Variants in RTN1 observed in about 807,000 individuals in gnomAD.
RTN1 encodes reticulon 1, also known as reticulon-1.
A neutral mutation model predicts 65.5 loss-of-function variants in RTN1; 25 were observed. The observed-to-expected ratio is 0.38, with a 90% CI of 0.28 to 0.53. The LOEUF is 0.53. RTN1 is among the 20% of genes least tolerant of loss of function. The pLI is 0.79. For missense variants in RTN1, 983 were observed against 1,025.4 expected (o/e 0.96, Z 0.57); for synonymous variants, 471 against 447.6 (o/e 1.05, Z -0.66).
chr14:59,730,602 A>G (rs146116579), intron 2 of RTN1, among the ~76,000 whole-genome samples: 7 of 152,332 alleles, frequency 4.6e-5, no homozygotes, highest in Non-Finnish European at 5.9e-5. Flanking sequence ...TGCAAATCAT[A>G]TATCTGATAA....
At chr14:59,655,708 A>G (rs906538267) in intron 3 of RTN1, among the ~76,000 whole-genome samples, 1 of 152,176 alleles carries the variant, frequency 6.6e-6, no homozygotes, top group African/African-American at 2.4e-5. Flanking sequence ...GGGTGCCAAG[A>G]CCATTCAGTG....
chr14:59,860,423 G>C (rs1235382096), intron 1 of RTN1, among the ~76,000 whole-genome samples: 1 of 152,242 alleles, frequency 6.6e-6, no homozygotes, highest in Non-Finnish European at 1.5e-5. Context: ...TGGATGTCCA[G>C]GCAGAAGTTT....
At chr14:59,806,054 G>T (rs1193370183) in intron 1 of RTN1, among the ~76,000 whole-genome samples, 1 of 151,944 alleles carries the variant, frequency 6.6e-6, no homozygotes, top group Admixed American at 6.6e-5. Context: ...TGGCCAACAT[G>T]GTGAAACCCT....
At chr14:59,639,991 T>G (rs916770221) in intron 3 of RTN1, among the ~76,000 whole-genome samples, 3 of 152,332 alleles carry the variant, frequency 2.0e-5, no homozygotes. Context: ...TCAATTTTCT[T>G]TTCTTGCAAT....
chr14:59,798,678 G>T (rs919384013), intron 1 of RTN1, among the ~76,000 whole-genome samples: 2 of 152,034 alleles, frequency 1.3e-5, no homozygotes, highest in African/African-American at 4.8e-5. Flanking sequence ...ATTACATTGG[G>T]CCCGCCTGGA....
chr14:59,642,106 C>T, intron 3 of RTN1, among the ~76,000 whole-genome samples: 1 of 152,092 alleles, frequency 6.6e-6, no homozygotes. Context: ...ATGATAGTTT[C>T]ATTGGGCAGA....
intron 3 of RTN1, among the ~76,000 whole-genome samples, chr14:59,686,145 C>G (rs1170920682): frequency 1.3e-5 from 2 of 152,166 alleles, no homozygotes; most frequent in East Asian, 3.8e-4. Flanking sequence ...ATTGTTATCT[C>G]TCACCATATA....
chr14:59,619,642 T>C (rs1342711487), intron 3 of RTN1, among the ~76,000 whole-genome samples: 1 of 151,840 alleles, frequency 6.6e-6, no homozygotes, highest in Non-Finnish European at 1.5e-5. Flanking sequence ...CAATGGAGGG[T>C]AGGCTAAGGG....
chr14:59,738,663 A>C (rs1234731750), intron 2 of RTN1, among the ~76,000 whole-genome samples: 1 of 152,240 alleles, frequency 6.6e-6, no homozygotes, highest in Non-Finnish European at 1.5e-5. Flanking sequence ...ATATACCCAA[A>C]GGAATAGGAA....
At chr14:59,743,906 T>TA (rs1472004517) in intron 2 of RTN1, among the ~76,000 whole-genome samples, 1 of 152,214 alleles carries the variant, frequency 6.6e-6, no homozygotes, top group Admixed American at 6.5e-5. Context: ...GTTTGTTTTT[T>TA]ATTTTTCGTT....
At chr14:59,632,602 T>C (rs1378343347) in intron 3 of RTN1, among the ~76,000 whole-genome samples, 1 of 152,046 alleles carries the variant, frequency 6.6e-6, no homozygotes, top group Non-Finnish European at 1.5e-5. Context: ...GTCCAGAAGG[T>C]GCCAGCAGGT....
At chr14:59,604,765 C>T (rs1881690034) in intron 5 of RTN1, 1 of 152,260 alleles carries the variant, frequency 6.6e-6, no homozygotes, top group Admixed American at 6.5e-5. Context: ...CATGCCGAAT[C>T]ACGATTGACT....
At chr14:59,631,727 T>C (rs1203782568) in intron 3 of RTN1, among the ~76,000 whole-genome samples, 1 of 152,160 alleles carries the variant, frequency 6.6e-6, no homozygotes, top group Non-Finnish European at 1.5e-5. Context: ...GTGGGCATTG[T>C]CTGGAAAAGA....
At chr14:59,596,855 G>A in intron 8 of RTN1, 68 bp from the exon 9 acceptor site, 2 of 1,189,960 alleles carry the variant, frequency 1.7e-6, no homozygotes, top group Non-Finnish European at 2.5e-6. Context: ...ATGTGTTGTT[G>A]CTTTAATTAG....
chr14:59,785,177 C>T (rs1209506310), intron 1 of RTN1, among the ~76,000 whole-genome samples: 1 of 152,196 alleles, frequency 6.6e-6, no homozygotes, highest in Non-Finnish European at 1.5e-5. Flanking sequence ...TGGGTTTCAA[C>T]TACTCCTAAT....
At chr14:59,694,924 G>C (rs1190298049) in intron 3 of RTN1, among the ~76,000 whole-genome samples, 1 of 152,216 alleles carries the variant, frequency 6.6e-6, no homozygotes, top group Non-Finnish European at 1.5e-5. Flanking sequence ...TTGGGTTCCA[G>C]TGTGGACAGC....
At chr14:59,750,059 CATATATTAT>C (rs1352487594) in intron 1 of RTN1, among the ~76,000 whole-genome samples, 1 of 70,124 alleles carries the variant, frequency 1.4e-5, no homozygotes, top group Non-Finnish European at 2.4e-5. Flanking sequence ...ATATTATATA[CATATATTAT>C]ATATTATATA....
chr14:59,747,828 CACAA>C (rs1482713792), intron 1 of RTN1, among the ~76,000 whole-genome samples: 2 of 152,118 alleles, frequency 1.3e-5, no homozygotes, highest in African/African-American at 4.8e-5. Context: ...CACACATATA[CACAA>C]ACACACACAC....
In RTN1 at chr14:59,636,505, C is replaced by T. The variant is rs187246944; in HGVS notation, c.1766-29013G>A. Among the ~76,000 whole-genome samples, 293 of 152,280 alleles carry T rather than the reference C, an allele frequency of 1.9e-3. 2 individuals are homozygous for T. Among genetic ancestry groups the T allele is most frequent in the Admixed American group, 4.2e-3 (64 of 15,296 alleles). ...CCCGCAGATCCGTGAGCCAATTAAACCTTTTTTCTTTATAAATAACCCAGT... is the reference window on the plus strand; with the variant it reads ...CCCGCAGATCCGTGAGCCAATTAAATCTTTTTTCTTTATAAATAACCCAGT... On this transcript the variant is annotated intron_variant, in intron 3 of 8. Coordinates refer to ENST00000267484, the MANE Select transcript of RTN1 (RefSeq NM_021136.3).
Sources: gnomAD v4.1 joint callset for allele counts (sites outside exome capture counted in the v4.1 genomes callset) on GRCh38, gnomAD v4.1.1 for gene constraint, MANE v1.5 for transcripts, NCBI Gene and HGNC (gene_info 2026-07-23, HGNC 2026-07-21) for gene names.